MPP3: variants seen among roughly 807,000 people sequenced by gnomAD.
The protein encoded by MPP3 is MAGUK p55 subfamily member 3.
Under a neutral mutation model 80.7 loss-of-function variants are expected in MPP3, and 48 were observed. The ratio of observed to expected loss-of-function variants is 0.59; its 90% CI spans 0.47 to 0.76. The LOEUF (loss-of-function observed/expected upper bound fraction) is 0.76. Among genes scored for constraint, MPP3 ranks in the 30% least tolerant of loss-of-function variants. The pLI is 0.00. For missense variants in MPP3, 620 were observed against 763.0 expected (o/e 0.81, Z 2.21); for synonymous variants, 311 against 297.6 (o/e 1.04, Z -0.46).
intron 13 of MPP3, 33 bp downstream of exon 13, chr17:43,816,644 C>T (rs777838165): frequency 2.4e-5 from 37 of 1,560,978 alleles, no homozygotes; most frequent in South Asian, 4.7e-5. Context: ...AAAGGGGCCA[C>T]GCCTGTGGAC....
At chr17:43,811,576 GTTT>G (rs376000535) in intron 16 of MPP3, 1 of 167,614 alleles carries the variant, frequency 6.0e-6, no homozygotes, top group Admixed American at 6.3e-5. Flanking sequence ...CTGATGCTGT[GTTT>G]TTTTTTTGTT....
In MPP3 at chr17:43,814,301, C is replaced by T. The variant is rs748338649; in HGVS notation, c.1070G>A (p.Gly357Glu). Residue 357 changes from glycine to glutamate, a missense_variant, in exon 15 of 20, where the codon GGA becomes GAA. Transcript: ENST00000398389. ...AGACTCAGCTCCGGAGGACATCTTTCCTTCCTGCGAGCCACCCAGTCTCTC... is the reference window on the plus strand; with the variant it reads ...AGACTCAGCTCCGGAGGACATCTTTTCTTCCTGCGAGCCACCCAGTCTCTC... ...CRERLGGSQE[G>E]KMSSGAESPE... The T allele has an allele frequency of 6.2e-7, 1 of 1,612,100 alleles. No homozygotes were observed. Among genetic ancestry groups the T allele is most frequent in the South Asian group, 1.1e-5 (1 of 91,070 alleles).
chr17:43,823,114 G>A (rs931907509), intron 10 of MPP3, among the ~76,000 whole-genome samples: 8 of 152,082 alleles, frequency 5.3e-5, no homozygotes, highest in African/African-American at 1.7e-4. Context: ...ATTTCCTGGG[G>A]CCACTTCCCA....
chr17:43,821,769 C>G (rs1410533994), intron 10 of MPP3, among the ~76,000 whole-genome samples: 2 of 152,090 alleles, frequency 1.3e-5, no homozygotes, highest in African/African-American at 4.8e-5. Context: ...CCATTAGGGC[C>G]CAATCACTTC....
At chr17:43,817,925 T>A in intron 12 of MPP3, 121 bp downstream of exon 12, 82 of 384,764 alleles carry the variant, frequency 2.1e-4, no homozygotes, top group East Asian at 8.5e-4. Flanking sequence ...CTGGAGTCCA[T>A]GAGCTCAGAC....
intron 8 of MPP3, 112 bp from the exon 9 acceptor site, chr17:43,825,953 C>G: frequency 2.9e-6 from 2 of 693,318 alleles, no homozygotes; most frequent in South Asian, 1.6e-5. Flanking sequence ...AGGGCCAACT[C>G]GAGGTTTAAA....
chr17:43,832,067 C>G, intron 2 of MPP3, 124 bp from the exon 3 acceptor site: 1 of 686,588 alleles, frequency 1.5e-6, no homozygotes, highest in Non-Finnish European at 2.6e-6. Flanking sequence ...GAACAAATAA[C>G]TCTGCTTACT....
intron 12 of MPP3, 86 bp downstream of exon 12, chr17:43,817,960 C>A: frequency 1.6e-6 from 2 of 1,262,366 alleles, no homozygotes; most frequent in South Asian, 1.3e-5. Context: ...CCCCTCCAGC[C>A]CACTGCCTAC....
intron 12 of MPP3, 74 bp downstream of exon 12, chr17:43,817,972 T>C: frequency 7.1e-7 from 1 of 1,401,382 alleles, no homozygotes; most frequent in East Asian, 2.8e-5. Context: ...ACTGCCTACT[T>C]CTTCCCAGCC....
intron 16 of MPP3, 34 bp downstream of exon 16, chr17:43,813,977 A>C: frequency 6.7e-7 from 1 of 1,502,360 alleles, no homozygotes; most frequent in South Asian, 1.2e-5. Context: ...GTGTGTGTGC[A>C]GACAAACACA....
At chr17:43,813,372 G>A (rs2154591245) in intron 16 of MPP3, among the ~76,000 whole-genome samples, 1 of 152,232 alleles carries the variant, frequency 6.6e-6, no homozygotes, top group East Asian at 1.9e-4. Context: ...GGCTGACGCA[G>A]GGCACTACAC....
rs1008997320 is a variant in MPP3, at chr17:43,825,666, G to A, written c.609+90C>T. The stretch of plus-strand genomic sequence containing the variant: ...GCCACCTCCTCAGGACAACAGCAAG[G>A]CTAAGCCAGAATCTGTCCTGGCTCC... On this transcript the variant is annotated intron_variant, in intron 9 of 19. Transcript: ENST00000398389. The A allele has an allele frequency of 4.4e-6, 4 of 906,696 alleles. No homozygotes were observed. In the East Asian group the frequency reaches 7.5e-5, roughly 17 times the overall value. 56.2% of individuals were successfully genotyped at this position (906,696 alleles called of 1,614,324 possible).
intron 19 of MPP3, among the ~76,000 whole-genome samples, chr17:43,803,155 C>T (rs923290528): frequency 1.1e-4 from 16 of 152,020 alleles, no homozygotes; most frequent in African/African-American, 3.1e-4. Context: ...GATCTTCAAC[C>T]CCACCTTCCC....
intron 19 of MPP3, among the ~76,000 whole-genome samples, chr17:43,805,288 T>A (rs1426462337): frequency 1.3e-5 from 2 of 152,216 alleles, no homozygotes; most frequent in African/African-American, 4.8e-5. Context: ...TCACACCTAC[T>A]AGTAGTGCTA....
At chr17:43,805,479 T>C (rs1418345516) in intron 19 of MPP3, among the ~76,000 whole-genome samples, 2 of 152,252 alleles carry the variant, frequency 1.3e-5, no homozygotes, top group South Asian at 4.1e-4. Flanking sequence ...AAACATATGT[T>C]CACACAAAAA....
Position 43,831,589 on chromosome 17 carries a change from G to A in MPP3, c.114C>T (p.Phe38=). 4 of 1,613,220 alleles carry A rather than the reference G, an allele frequency of 2.5e-6. No individual in the cohort carries two copies. Among genetic ancestry groups the A allele is most frequent in the Non-Finnish European group, 3.4e-6 (4 of 1,179,546 alleles). The change falls in exon 4 of 20, where the codon TTC becomes TTT. Residue 38 remains phenylalanine (F), a synonymous_variant. Coordinates refer to ENST00000398389, the MANE Select transcript of MPP3 (RefSeq NM_001932.6). ...TTAAGTAACTGAGGCTTTTTTCACT[G>A]AAAACATCCCTCAGGAAGCCCATCT... The part of the protein sequence containing the change: ...KEEMGFLRDV[F]SEKSLSYLMK...
intron 19 of MPP3, among the ~76,000 whole-genome samples, chr17:43,802,704 A>G (rs1232562935): frequency 6.6e-6 from 1 of 152,204 alleles, no homozygotes; most frequent in African/African-American, 2.4e-5. Context: ...CATTCTAAGT[A>G]AAATTACAAA....
At chr17:43,823,871 C>A (rs577103492) in intron 10 of MPP3, 60 bp downstream of exon 10, 26 of 1,246,918 alleles carry the variant, frequency 2.1e-5, no homozygotes, top group Non-Finnish European at 2.8e-5. Context: ...ATCCAGCCCC[C>A]AGCCAGCGAG....
At chr17:43,813,404 C>G (rs986711909) in intron 16 of MPP3, among the ~76,000 whole-genome samples, 2 of 152,110 alleles carry the variant, frequency 1.3e-5, no homozygotes, top group Non-Finnish European at 2.9e-5. Flanking sequence ...TGGTGCATTA[C>G]CTGGCACCTT....
Sources: allele counts gnomAD v4.1 joint callset (sites outside exome capture counted in the v4.1 genomes callset), GRCh38; gene constraint gnomAD v4.1.1; transcripts MANE v1.5; gene names NCBI Gene and HGNC (gene_info 2026-07-23, HGNC 2026-07-21).